The following HLF variants were observed in gnomAD, a reference collection of about 807,000 sequenced individuals.
HLF encodes the protein HLF transcription factor, PAR bZIP family member, also known as hepatic leukemia factor.
HLF carries 3 observed loss-of-function variants against 22.6 expected under a neutral mutation model. That is an observed-to-expected ratio of 0.13 (90% CI 0.06 to 0.34). The LOEUF is 0.34. Among genes scored for constraint, HLF ranks in the 10% least tolerant of loss-of-function variants. The pLI, the probability that HLF is intolerant of heterozygous loss-of-function variation, is 1.00. For synonymous variants in HLF, 151 were observed against 151.8 expected, an observed-to-expected ratio of 0.99 and a Z score of 0.04; for missense variants, 299 against 389.2, an observed-to-expected ratio of 0.77 and a Z score of 1.95.
Position 55,270,922 on chromosome 17 carries a change from G to A in HLF, c.451+2836G>A, listed in dbSNP as rs139583384. ...CTCCCAAAGTGCTGGAATTACAGGC[G>A]TGAGCCACCGCGCCCGGCCTTGGGT... On this transcript the variant is annotated intron_variant, in intron 2 of 3. Transcript: ENST00000226067. Among the ~76,000 whole-genome samples the A allele has an allele frequency of 6.2e-3, 944 of 152,206 alleles. 8 individuals carry two copies. The highest frequency in any genetic ancestry group is 0.017 in the African/African-American group (704 of 41,512).
At chr17:55,269,778 T>C (rs1362510204) in intron 2 of HLF, among the ~76,000 whole-genome samples, 2 of 152,224 alleles carry the variant, frequency 1.3e-5, no homozygotes, top group African/African-American at 4.8e-5. Flanking sequence ...TTCTGAAATA[T>C]CTTCGTAAGG....
At chr17:55,306,177 C>T (rs1394544592) in intron 2 of HLF, among the ~76,000 whole-genome samples, 3 of 151,902 alleles carry the variant, frequency 2.0e-5, no homozygotes, top group Admixed American at 1.3e-4. Context: ...ACTATGATCA[C>T]GCCACTACAC....
chr17:55,300,945 A>G (rs1293800106), intron 2 of HLF, among the ~76,000 whole-genome samples: 3 of 152,222 alleles, frequency 2.0e-5, no homozygotes, highest in Non-Finnish European at 4.4e-5. Context: ...ACCCGCCGTG[A>G]GCTCCAGTTA....
intron 2 of HLF, among the ~76,000 whole-genome samples, chr17:55,294,511 A>G (rs1598399618): frequency 6.6e-6 from 1 of 152,352 alleles, no homozygotes; most frequent in Admixed American, 6.5e-5. Context: ...AAAGCAGCAC[A>G]GGGCATGTAG....
chr17:55,286,458 C>A (rs2145323511), intron 2 of HLF, among the ~76,000 whole-genome samples: 1 of 152,208 alleles, frequency 6.6e-6, no homozygotes, highest in Non-Finnish European at 1.5e-5. Context: ...TAATTCATTT[C>A]TTGGGGTAAT....
intron 2 of HLF, among the ~76,000 whole-genome samples, chr17:55,279,805 C>A (rs1475854061): frequency 6.6e-6 from 1 of 152,108 alleles, no homozygotes; most frequent in East Asian, 1.9e-4. Context: ...CAAATTGTTG[C>A]CAGTTATCTC....
At chr17:55,314,921 G>T (rs1376184551) in intron 2 of HLF, among the ~76,000 whole-genome samples, 2 of 152,200 alleles carry the variant, frequency 1.3e-5, no homozygotes, top group Non-Finnish European at 2.9e-5. Context: ...ATTGCATCTT[G>T]CAGAGTGCCT....
intron 2 of HLF, among the ~76,000 whole-genome samples, chr17:55,292,603 G>A (rs2081074151): frequency 6.6e-6 from 1 of 152,004 alleles, no homozygotes; most frequent in Non-Finnish European, 1.5e-5. Context: ...TTATTGCAGT[G>A]GTCTAGAACC....
intron 2 of HLF, among the ~76,000 whole-genome samples, chr17:55,304,378 C>T (rs1904445949): frequency 6.6e-6 from 1 of 152,164 alleles, no homozygotes; most frequent in South Asian, 2.1e-4. Context: ...TCATGGGCCA[C>T]GTGCCTCGGC....
chr17:55,316,964 T>TG (rs1266926578), intron 3 of HLF, among the ~76,000 whole-genome samples: 1 of 104,078 alleles, frequency 9.6e-6, no homozygotes, highest in Non-Finnish European at 1.9e-5. Context: ...TTTTTTATGG[T>TG]GTTTTTTTTT....
chr17:55,270,431 G>A (rs1659212348), intron 2 of HLF, among the ~76,000 whole-genome samples: 1 of 152,288 alleles, frequency 6.6e-6, no homozygotes, highest in African/African-American at 2.4e-5. Context: ...AGAGATGTTG[G>A]CCTGATGGAT....
intron 2 of HLF, among the ~76,000 whole-genome samples, chr17:55,301,224 T>C (rs2081155060): frequency 6.6e-6 from 1 of 152,248 alleles, no homozygotes; most frequent in Admixed American, 6.5e-5. Flanking sequence ...TATTCTGCAA[T>C]CTAATAACCT....
At chr17:55,318,902 C>T (rs145300302) in intron 3 of HLF, 3 of 152,654 alleles carry the variant, frequency 2.0e-5, no homozygotes, top group Admixed American at 2.0e-4. Flanking sequence ...TCGCCTGACT[C>T]CTCCCAGCCT....
intron 2 of HLF, among the ~76,000 whole-genome samples, chr17:55,304,627 T>G (rs1244121811): frequency 1.3e-5 from 2 of 152,182 alleles, no homozygotes; most frequent in Non-Finnish European, 2.9e-5. Flanking sequence ...TGATGCATGA[T>G]CCCAGGGCGA....
chr17:55,282,968 G>A (rs1232167811), intron 2 of HLF, among the ~76,000 whole-genome samples: 1 of 152,038 alleles, frequency 6.6e-6, no homozygotes, highest in African/African-American at 2.4e-5. Context: ...CTTAAAAAAT[G>A]GTCTTCATGC....
At chr17:55,281,160 G>T (rs553147312) in intron 2 of HLF, among the ~76,000 whole-genome samples, 1 of 152,212 alleles carries the variant, frequency 6.6e-6, no homozygotes, top group African/African-American at 2.4e-5. Context: ...TTAGCCTCTT[G>T]TGAGGGATGT....
At chr17:55,277,484 T>G (rs368232553) in intron 2 of HLF, among the ~76,000 whole-genome samples, 1 of 152,036 alleles carries the variant, frequency 6.6e-6, no homozygotes, top group East Asian at 1.9e-4. Context: ...TTTGCATTCT[T>G]GAGTCCTGAC....
At chr17:55,310,913 T>C (rs1312215742) in intron 2 of HLF, among the ~76,000 whole-genome samples, 2 of 152,024 alleles carry the variant, frequency 1.3e-5, no homozygotes, top group Admixed American at 6.6e-5. Flanking sequence ...TAAACTGAAA[T>C]GTGAAAGGCT....
chr17:55,296,755 G>A (rs987705202), intron 2 of HLF, among the ~76,000 whole-genome samples: 1 of 152,150 alleles, frequency 6.6e-6, no homozygotes, highest in South Asian at 2.1e-4. Flanking sequence ...GGATCAAAGT[G>A]TGTAGGCTCC....
Sources: gnomAD v4.1 joint callset for allele counts (sites outside exome capture counted in the v4.1 genomes callset) on GRCh38, gnomAD v4.1.1 for gene constraint, MANE v1.5 for transcripts, NCBI Gene and HGNC (gene_info 2026-07-23, HGNC 2026-07-21) for gene names.